SHE: variants seen among roughly 807,000 people sequenced by gnomAD.
SHE encodes Src homology 2 domain containing E.
Under a neutral mutation model 49.8 loss-of-function variants are expected in SHE, and 11 were observed. The observed-to-expected ratio is 0.22, with a 90% CI of 0.14 to 0.37. SHE has a LOEUF of 0.37. SHE is among the 10% of genes least tolerant of loss of function. The pLI is 1.00. For synonymous variants in SHE, 310 were observed against 278.1 expected (o/e 1.11, Z -1.14); for missense variants, 624 against 655.5 (o/e 0.95, Z 0.52).
At chr1:154,498,970 G>T in intron 2 of SHE, 142 bp downstream of exon 2, 1 of 1,013,434 alleles carries the variant, frequency 9.9e-7, no homozygotes, top group East Asian at 2.5e-5. Flanking sequence ...CATTAGTTTG[G>T]GGTCTAATTT....
intron 2 of SHE, among the ~76,000 whole-genome samples, chr1:154,498,306 G>C (rs1423682194): frequency 3.3e-5 from 5 of 151,676 alleles, no homozygotes. Context: ...ATGTTGGTCA[G>C]GCTGGTCTTG....
At chr1:154,495,286 T>C (rs1484904793) in intron 2 of SHE, among the ~76,000 whole-genome samples, 1 of 152,238 alleles carries the variant, frequency 6.6e-6, no homozygotes, top group Non-Finnish European at 1.5e-5. Flanking sequence ...TGCCAAATAT[T>C]TAGCTAAATA....
Position 154,483,386 on chromosome 1 carries a change from C to G in SHE, c.*763G>C, listed in dbSNP as rs186797867. On this transcript the variant is annotated 3_prime_UTR_variant, in exon 6 of 6. Coordinates refer to ENST00000304760, the MANE Select transcript of SHE (RefSeq NM_001010846.3). ...CTTGCCCGTCATTCACATTTTCTCC[C>G]GCTCATTCATTTCCCCAATAACGAG... 2 of 985,388 alleles carry G rather than the reference C, an allele frequency of 2.0e-6. No homozygotes were observed. Among genetic ancestry groups the G allele is most frequent in the Non-Finnish European group, 1.2e-6 (1 of 829,928 alleles). The allele number at this position is 985,388 out of a possible 1,614,324, so 61.0% of individuals were successfully genotyped here. A position where few individuals can be genotyped will look rare whatever the true frequency, so the allele number is the denominator to read the frequency against.
At chr1:154,475,671 T>G (rs767812983), downstream of SHE, among the ~76,000 whole-genome samples, 2 of 152,224 alleles carry the variant, frequency 1.3e-5, no homozygotes, top group African/African-American at 4.8e-5. Context: ...CTATGAAAAA[T>G]TGTTTATTAA....
At chr1:154,490,728 T>C (rs1216568964) in intron 2 of SHE, among the ~76,000 whole-genome samples, 3 of 151,562 alleles carry the variant, frequency 2.0e-5, no homozygotes, top group African/African-American at 7.3e-5. Context: ...TGCCAAGGTG[T>C]AGACATTTTA....
chr1:154,480,355 G>A lies in SHE; in HGVS notation c.*3794C>T, dbSNP rs897536071. 9.1e-6 allele frequency: 9 copies of A among 985,286 alleles called. No homozygotes were observed. Among genetic ancestry groups the A allele is most frequent in the Non-Finnish European group, 9.6e-6 (8 of 829,940 alleles). 61.0% of individuals were successfully genotyped at this position (985,286 alleles called of 1,614,324 possible). Reference sequence around the variant, plus strand: ...AAGGGGCTAACCTTTGACTGAAAAAGGGCATCTGACAGAACAGAAACTAAC... The same window carrying A: ...AAGGGGCTAACCTTTGACTGAAAAAAGGCATCTGACAGAACAGAAACTAAC... On this transcript the variant is annotated 3_prime_UTR_variant, in exon 6 of 6. Coordinates refer to ENST00000304760, the MANE Select transcript of SHE (RefSeq NM_001010846.3).
Position 154,499,115 on chromosome 1 carries a change from T to C in SHE, c.715A>G (p.Thr239Ala). The C allele has an allele frequency of 6.2e-7, 1 of 1,614,068 alleles. No individual in the cohort carries two copies. Among genetic ancestry groups the C allele is most frequent in the Non-Finnish European group, 8.5e-7 (1 of 1,179,974 alleles). ...TCTGTAGAGCCTGCTTACAAACCTG[T>C]TATCATTTGCTGTGCATCATATGGT... ...MEPYDAQQMI[T>A]EIRRRGSKDP... Residue 239 changes from threonine (T) to alanine (A), a missense_variant, in exon 2 of 6, where the codon ACA becomes GCA. By Grantham distance (58) the Thr-to-Ala change is moderately conservative (BLOSUM62 0). This residue lies in a region of SHE where 7 missense variants were observed against 25.7 expected (regional missense o/e 0.27). Transcript: ENST00000304760.
chr1:154,502,159 G>T lies in SHE; in HGVS notation c.-133C>A. 1 of 687,086 alleles carries T rather than the reference G, an allele frequency of 1.5e-6. No homozygotes were observed. Among genetic ancestry groups the T allele is most frequent in the Non-Finnish European group, 2.0e-6 (1 of 512,554 alleles). The allele number at this position is 687,086 out of a possible 1,614,324, so 42.6% of individuals were successfully genotyped here. A position where few individuals can be genotyped will look rare whatever the true frequency, so the allele number is the denominator to read the frequency against. ...CGGGGCGCCGAGCGGGCGGGCGCTA[G>T]CCTCTGCTCCGGACACGGCAGGCGA... On this transcript the variant is annotated 5_prime_UTR_variant, in exon 1 of 6. Transcript: ENST00000304760.
In SHE at chr1:154,499,235, T is replaced by C; in HGVS notation, c.595A>G (p.Ile199Val). ...GGGTCAGCATAGTCTTCTAAAATGA[T>C]GACCTGAAAAAGAACAAGAGAGGAC... ...GKIIKQQETV[I>V]ILEDYADPYD... The change falls in exon 2 of 6, where the codon ATC becomes GTC. Residue 199 changes from isoleucine to valine, a missense_variant. Ile to Val is a conservative substitution (Grantham distance 29). Coordinates refer to ENST00000304760, the MANE Select transcript of SHE (RefSeq NM_001010846.3). The C allele has an allele frequency of 6.2e-7, 1 of 1,612,794 alleles. No individual in the cohort carries two copies. Among genetic ancestry groups the C allele is most frequent in the Non-Finnish European group, 8.5e-7 (1 of 1,179,392 alleles).
At position 154,481,370 on chromosome 1, in the gene SHE, T is replaced by C. The variant is rs1692014630; in HGVS notation, c.*2779A>G. On this transcript the variant is annotated 3_prime_UTR_variant, in exon 6 of 6. Transcript: ENST00000304760. The stretch of plus-strand genomic sequence containing the variant: ...GTACAACTGTAAAGCAACTGGACAA[T>C]ATGTAAACTCTGCCTCTCCTCTACT... The C allele has an allele frequency of 4.1e-6, 4 of 985,468 alleles. No individual in the cohort carries two copies. The highest frequency in any genetic ancestry group is 4.8e-6 in the Non-Finnish European group (4 of 829,942). 61.0% of individuals were successfully genotyped at this position (985,468 alleles called of 1,614,324 possible).
chr1:154,478,380 C>G (rs1192489500), downstream of SHE, among the ~76,000 whole-genome samples: 2 of 137,558 alleles, frequency 1.5e-5, no homozygotes, highest in Non-Finnish European at 1.5e-5. Context: ...AGAAAATGAA[C>G]AGACAACTCA....
rs576926687 is a variant in SHE at position 154,479,938 on chromosome 1, G to C, written c.*4211C>G. ...ATTTTCCCTTTTCTGGACTGTATCAGAAATCCTTCAGAAAGCCCTACCCTT... is the reference window on the plus strand; with the variant it reads ...ATTTTCCCTTTTCTGGACTGTATCACAAATCCTTCAGAAAGCCCTACCCTT... On this transcript the variant is annotated 3_prime_UTR_variant, in exon 6 of 6. Transcript: ENST00000304760. The C allele has an allele frequency of 2.0e-6, 2 of 985,406 alleles. No individual in the cohort carries two copies. The highest frequency in any genetic ancestry group is 5.2e-4 in the Middle Eastern group (1 of 1,914). The allele number at this position is 985,406 out of a possible 1,614,324, so 61.0% of individuals were successfully genotyped here.
Position 154,480,595 on chromosome 1 carries a change from T to C in SHE, c.*3554A>G, listed in dbSNP as rs1384746255. 2.0e-6 allele frequency: 2 copies of C among 985,270 alleles called. No individual in the cohort carries two copies. The highest frequency in any genetic ancestry group is 2.4e-6 in the Non-Finnish European group (2 of 829,922). 61.0% of individuals were successfully genotyped at this position (985,270 alleles called of 1,614,324 possible). ...CCTGCGGCAGAGGCTAGTACACAAA[T>C]ACCAATTCTGCAAAGTACGGAGACT... On this transcript the variant is annotated 3_prime_UTR_variant, in exon 6 of 6. Transcript: ENST00000304760.
Position 154,502,012 on chromosome 1 carries a change from CG to C in SHE, c.14del (p.Pro5ArgfsTer43). On this transcript the variant is annotated frameshift_variant, in exon 1 of 6. Coordinates refer to ENST00000304760, the MANE Select transcript of SHE (RefSeq NM_001010846.3). LOFTEE classifies it high-confidence loss of function. ...CCAGACACGCAGAGGCGCCAGGGGT[CG>C]GGGACCACTGCATTCCCCGTGACTG... MQWS[P>X]TPGASACLGW... The C allele has an allele frequency of 7.2e-7, 1 of 1,381,808 alleles. No individual in the cohort carries two copies. The highest frequency in any genetic ancestry group is 1.7e-5 in the South Asian group (1 of 60,046). The allele number at this position is 1,381,808 out of a possible 1,614,324, so 85.6% of individuals were successfully genotyped here.
At chr1:154,498,987 C>A (rs937428261) in intron 2 of SHE, 125 bp downstream of exon 2, 7 of 1,274,670 alleles carry the variant, frequency 5.5e-6, no homozygotes, top group Non-Finnish European at 7.4e-6. Flanking sequence ...ATTTCTGTTT[C>A]TTCAAGTCAG....
intron 2 of SHE, among the ~76,000 whole-genome samples, chr1:154,490,519 G>C (rs1252818118): frequency 5.3e-5 from 8 of 152,230 alleles, no homozygotes; most frequent in African/African-American, 1.9e-4. Context: ...AAGTGGAAGA[G>C]AAATGGAAGA....
Position 154,489,176 on chromosome 1 carries a change from C to T in SHE, c.899G>A (p.Gly300Glu), listed in dbSNP as rs749361092. 2.5e-6 allele frequency: 4 copies of T among 1,614,070 alleles called. No homozygotes were observed. In the African/African-American group the frequency reaches 5.3e-5, roughly 22 times the overall value. ...YDTPYEPAEGGPRAEGKARPP... is the reference protein window; with the variant it reads ...YDTPYEPAEGEPRAEGKARPP... ...CCGCGCCTTCCCCTCTGCCCTGGGC[C>T]CCCCTTCTGCAGGCTCGTAGGGAGT... The change falls in exon 3 of 6, where the codon GGG (glycine) becomes GAG (glutamate). Residue 300 changes from glycine (G) to glutamate (E), a missense_variant. By Grantham distance (98) the Gly-to-Glu change is moderately conservative (BLOSUM62 -2). Transcript: ENST00000304760.
rs958522599 is a variant in SHE at position 154,483,060 on chromosome 1, C to T, written c.*1089G>A. On this transcript the variant is annotated 3_prime_UTR_variant, in exon 6 of 6. Transcript: ENST00000304760. Reference sequence around the variant, plus strand: ...AACAGTTGTGGAGCTTTGCAAATTTCCAGAATTTTAAAATTCAGAAATGAA... The same window carrying T: ...AACAGTTGTGGAGCTTTGCAAATTTTCAGAATTTTAAAATTCAGAAATGAA... The T allele has an allele frequency of 1.0e-6, 1 of 984,762 alleles. No individual in the cohort carries two copies. Among genetic ancestry groups the T allele is most frequent in the African/African-American group, 1.7e-5 (1 of 57,214 alleles). The allele number at this position is 984,762 out of a possible 1,614,324, so 61.0% of individuals were successfully genotyped here.
chr1:154,473,058 G>A (rs1691781435), intron 1 of SHE, among the ~76,000 whole-genome samples: 2 of 151,978 alleles, frequency 1.3e-5, no homozygotes, highest in African/African-American at 2.4e-5. Context: ...GAGTGCAATG[G>A]CACAATCTCG....
Sources: gnomAD v4.1 joint callset for allele counts (sites outside exome capture counted in the v4.1 genomes callset) on GRCh38, gnomAD v4.1.1 for gene constraint, gnomAD v4.1.1 regional missense constraint, MANE v1.5 for transcripts, NCBI Gene and HGNC (gene_info 2026-07-23, HGNC 2026-07-21) for gene names.